CTTNBP2: variants seen among roughly 807,000 people sequenced by gnomAD.
CTTNBP2 encodes the protein cortactin binding protein 2.
CTTNBP2 carries 108 observed loss-of-function variants against 156.9 expected under a neutral mutation model. The ratio of observed to expected loss-of-function variants is 0.69; its 90% CI spans 0.59 to 0.81. CTTNBP2 has a LOEUF of 0.81. Among genes scored for constraint, CTTNBP2 ranks in the 30% least tolerant of loss-of-function variants. CTTNBP2 has a pLI of 0.00. For synonymous variants in CTTNBP2, 767 were observed against 751.8 expected (o/e 1.02, Z -0.33); for missense variants, 1,924 against 2,035.4 (o/e 0.95, Z 1.05).
chr7:117,782,628 C>T (rs1484644502), intron 6 of CTTNBP2, among the ~76,000 whole-genome samples: 2 of 152,118 alleles, frequency 1.3e-5, no homozygotes, highest in Admixed American at 1.3e-4. Context: ...AGTTCATTCA[C>T]GTTCAGTTGG....
chr7:117,786,414 C>A, intron 4 of CTTNBP2: 1 of 431,232 alleles, frequency 2.3e-6, no homozygotes, highest in South Asian at 1.7e-5. Flanking sequence ...TACATTTTAC[C>A]TTTTGTATTT....
In CTTNBP2 at chr7:117,730,000, A is replaced by G. The variant is rs1795316948; in HGVS notation, c.3877-1733T>C. Among the ~76,000 whole-genome samples, 7 of 152,240 alleles carry G rather than the reference A, an allele frequency of 4.6e-5. No homozygotes were observed. In the South Asian group the frequency reaches 1.5e-3, roughly 32 times the overall value. ...TGTTTGCAAATAACAAAAGGGATGA[A>G]TAAATGACAGGCTTCTACAAGTAAA... is the stretch of plus-strand genomic sequence containing the variant. On this transcript the variant is annotated intron_variant, in intron 16 of 22. Transcript: ENST00000160373.
At chr7:117,744,529 T>A (rs948770623) in intron 14 of CTTNBP2, among the ~76,000 whole-genome samples, 3 of 152,200 alleles carry the variant, frequency 2.0e-5, no homozygotes, top group African/African-American at 7.2e-5. Context: ...CTTTTTTTTA[T>A]GGTCGAATAG....
At chr7:117,714,327 CT>C (rs1283949288) in intron 22 of CTTNBP2, 1 of 152,172 alleles carries the variant, frequency 6.6e-6, no homozygotes, top group African/African-American at 2.4e-5. Context: ...CAAAATGGGA[CT>C]TGGTCATGGG....
intron 2 of CTTNBP2, among the ~76,000 whole-genome samples, chr7:117,856,141 C>T (rs957355253): frequency 6.6e-6 from 1 of 152,174 alleles, no homozygotes. Flanking sequence ...GGCCATTTTC[C>T]AGGCTCCTAT....
chr7:117,791,923 T>A lies in CTTNBP2; in HGVS notation c.1273A>T (p.Met425Leu). ...IAPQNSQAPP[M>L]HSLHSPCANT... ...GCACATGGTGAATGTAAACTGTGCA[T>A]AGGTGGAGCTTGCGAGTTCTGAGGA... The change falls in exon 4 of 23, where the codon ATG becomes TTG. Residue 425 changes from methionine to leucine, a missense_variant. Coordinates refer to ENST00000160373, the MANE Select transcript of CTTNBP2 (RefSeq NM_033427.3). 1.2e-6 allele frequency: 2 copies of A among 1,614,126 alleles called. No individual in the cohort carries two copies. The highest frequency in any genetic ancestry group is 1.3e-5 in the African/African-American group (1 of 75,024).
chr7:117,782,896 G>T lies in CTTNBP2; in HGVS notation c.2338C>A (p.Pro780Thr), dbSNP rs778253262. The T allele has an allele frequency of 1.9e-5, 31 of 1,613,984 alleles. No individual in the cohort carries two copies. Among genetic ancestry groups the T allele is most frequent in the Non-Finnish European group, 2.5e-5 (30 of 1,179,882 alleles). Residue 780 changes from proline (P) to threonine (T), a missense_variant, in exon 6 of 23, where the codon CCC (proline) becomes ACC (threonine). Pro to Thr is a conservative substitution (Grantham distance 38). Coordinates refer to ENST00000160373, the MANE Select transcript of CTTNBP2 (RefSeq NM_033427.3). ...VNAADKNGFTPLCAAAAQGHF... is the reference protein window; with the variant it reads ...VNAADKNGFTTLCAAAAQGHF... Reference sequence around the variant, plus strand: ...CCCTGAGCAGCTGCAGCACACAAGGGTGTGAAGCCATTTTTATCAGCAGCA... The same window carrying T: ...CCCTGAGCAGCTGCAGCACACAAGGTTGTGAAGCCATTTTTATCAGCAGCA...
intron 1 of CTTNBP2, chr7:117,871,844 T>TCACTCACACACACACACACACACA (rs1804620806): frequency 1.0e-5 from 3 of 298,198 alleles, no homozygotes; most frequent in African/African-American, 1.0e-4. Context: ...TCCTTCCCCT[T>TCACTCACACACACACACACACACA]CACACACACA....
At chr7:117,808,287 T>A (rs957867962) in intron 3 of CTTNBP2, among the ~76,000 whole-genome samples, 10 of 143,960 alleles carry the variant, frequency 6.9e-5, no homozygotes, top group Non-Finnish European at 1.2e-4. Context: ...TAGACAAGAT[T>A]AAAAAAAAAA....
At chr7:117,761,980 A>G (rs1225680399) in intron 9 of CTTNBP2, among the ~76,000 whole-genome samples, 1 of 152,166 alleles carries the variant, frequency 6.6e-6, no homozygotes. Flanking sequence ...CATCTTACTT[A>G]TCCACAGTAT....
Position 117,810,949 on chromosome 7 carries a change from C to T in CTTNBP2, c.230G>A (p.Arg77Lys), listed in dbSNP as rs1019403369. ...KEVFIQERYG[R>K]FNLNDPFLAL... ...CAGGAACGGGTCATTTAGATTAAATCTCCCATACCGTTCCTGGATAAATAC... is the reference window on the plus strand; with the variant it reads ...CAGGAACGGGTCATTTAGATTAAATTTCCCATACCGTTCCTGGATAAATAC... Residue 77 changes from arginine to lysine, a missense_variant, in exon 3 of 23, where the codon AGA (arginine) becomes AAA (lysine). Transcript: ENST00000160373. 3 of 1,613,916 alleles carry T rather than the reference C, an allele frequency of 1.9e-6. No individual in the cohort carries two copies. Among genetic ancestry groups the T allele is most frequent in the African/African-American group, 1.3e-5 (1 of 74,912 alleles).
chr7:117,859,125 T>C (rs948755377), intron 2 of CTTNBP2, among the ~76,000 whole-genome samples: 1 of 152,222 alleles, frequency 6.6e-6, no homozygotes, highest in Non-Finnish European at 1.5e-5. Context: ...AACCTACTTA[T>C]ACATGCAATT....
At chr7:117,796,810 A>AGG (rs1360256812) in intron 3 of CTTNBP2, among the ~76,000 whole-genome samples, 3 of 152,368 alleles carry the variant, frequency 2.0e-5, no homozygotes, top group Non-Finnish European at 4.4e-5. Context: ...ATGTTTTTAT[A>AGG]AGTTAGATAG....
intron 3 of CTTNBP2, among the ~76,000 whole-genome samples, chr7:117,799,793 C>A (rs965873995): frequency 6.6e-6 from 1 of 151,932 alleles, no homozygotes; most frequent in Non-Finnish European, 1.5e-5. Context: ...ATGGCTAGAA[C>A]TATTTAAGTA....
intron 8 of CTTNBP2, among the ~76,000 whole-genome samples, chr7:117,771,055 C>T (rs549075561): frequency 1.6e-4 from 24 of 152,300 alleles, no homozygotes; most frequent in African/African-American, 5.5e-4. Context: ...CCATAGTTCC[C>T]TGCAATGGGG....
chr7:117,809,290 G>A (rs572848340), intron 3 of CTTNBP2, among the ~76,000 whole-genome samples: 3 of 152,198 alleles, frequency 2.0e-5, no homozygotes, highest in Non-Finnish European at 4.4e-5. Flanking sequence ...CAGAACAGAA[G>A]TAAAATTTTA....
In CTTNBP2 at chr7:117,824,070, C is replaced by T. The variant is rs372537798; in HGVS notation, c.190-13081G>A. ...TTGGTCTGGTAAAAACATGCTTAGG[C>T]GGTAACCCTCACAACAGTAGATATT... On this transcript the variant is annotated intron_variant, in intron 2 of 22. Coordinates refer to ENST00000160373, the MANE Select transcript of CTTNBP2 (RefSeq NM_033427.3). 6.6e-5 allele frequency among the ~76,000 whole-genome samples: 10 copies of T among 151,108 alleles called. No individual in the cohort carries two copies. In the East Asian group the frequency reaches 9.8e-4, roughly 15 times the overall value.
chr7:117,743,132 G>C (rs1201508228), intron 14 of CTTNBP2, among the ~76,000 whole-genome samples: 4 of 152,220 alleles, frequency 2.6e-5, no homozygotes, highest in African/African-American at 7.2e-5. Context: ...GCCCACCATA[G>C]ATCTAGAAAT....
intron 9 of CTTNBP2, among the ~76,000 whole-genome samples, chr7:117,765,838 A>C (rs929376209): frequency 2.0e-5 from 3 of 152,198 alleles, no homozygotes; most frequent in African/African-American, 7.2e-5. Flanking sequence ...CACTATCAAC[A>C]ATCTCATTGG....
Sources: gnomAD v4.1 joint callset for allele counts (sites outside exome capture counted in the v4.1 genomes callset) on GRCh38, gnomAD v4.1.1 for gene constraint, MANE v1.5 for transcripts, NCBI Gene and HGNC (gene_info 2026-07-23, HGNC 2026-07-21) for gene names.